The following GFM1 variants were observed in gnomAD, a reference collection of about 807,000 sequenced individuals.
GFM1 encodes the protein G elongation factor mitochondrial 1, also known as elongation factor G, mitochondrial.
In GFM1, 62 loss-of-function variants were observed where a neutral mutation model predicts 96.2. The ratio of observed to expected loss-of-function variants is 0.64; its 90% confidence interval spans 0.53 to 0.80. The LOEUF is 0.80. GFM1 is among the 30% of genes least tolerant of loss of function. The pLI, the probability that GFM1 is intolerant of heterozygous loss-of-function variation, is 0.00. For missense variants in GFM1, 852 were observed against 916.6 expected (o/e 0.93, Z 0.91); for synonymous variants, 282 against 312.9 (o/e 0.90, Z 1.04).
At chr3:158,667,169 AAT>A (rs1021469755) in intron 13 of GFM1, 29 of 1,263,870 alleles carry the variant, frequency 2.3e-5, no homozygotes, top group Non-Finnish European at 3.0e-5. Context: ...AGATGAATAT[AAT>A]ATTTCCATTT....
intron 13 of GFM1, chr3:158,672,698 C>A: frequency 2.1e-6 from 1 of 469,366 alleles, no homozygotes; most frequent in Non-Finnish European, 3.9e-6. Flanking sequence ...GCTTCTGAGG[C>A]CCCGCCCCAC....
intron 13 of GFM1, 154 bp from the exon 14 acceptor site, chr3:158,681,841 T>G (rs1725406623): frequency 4.0e-6 from 3 of 745,948 alleles, no homozygotes; most frequent in Admixed American, 2.6e-5. Context: ...GAGGGTTCTT[T>G]TTAAAATAAA....
chr3:158,688,310 A>G (rs1378847396), intron 15 of GFM1, among the ~76,000 whole-genome samples: 1 of 152,128 alleles, frequency 6.6e-6, no homozygotes, highest in Admixed American at 6.6e-5. Flanking sequence ...ATCTTATCTT[A>G]TGGTATAGGA....
chr3:158,672,732 A>C, intron 13 of GFM1: 1 of 382,616 alleles, frequency 2.6e-6, no homozygotes, highest in Non-Finnish European at 5.0e-6. Context: ...GGGCTTCCTT[A>C]CTCCGCCTGC....
rs183140307 is a variant in GFM1 at position 158,659,018 on chromosome 3, C to T, written c.1180C>T (p.Arg394Trp). 1.7e-5 allele frequency: 28 copies of T among 1,614,126 alleles called. 1 individual carries two copies. In the Admixed American group the frequency reaches 3.2e-4, roughly 18 times the overall value. Residue 394 changes from arginine to tryptophan, a missense_variant, in exon 9 of 18, where the codon CGG becomes TGG. By Grantham distance (101) the Arg-to-Trp change is moderately radical. Transcript: ENST00000486715. ...IYNTRTRKKV[R>W]LQRLARMHAD... ...TAACACAAGGACAAGAAAGAAAGTA[C>T]GGTTGCAACGGCTGGCTCGCATGCA...
chr3:158,655,170 C>A (rs931974702), intron 8 of GFM1, among the ~76,000 whole-genome samples: 1 of 152,068 alleles, frequency 6.6e-6, no homozygotes, highest in Non-Finnish European at 1.5e-5. Context: ...AAATGCCCAG[C>A]CAGTCGCAGT....
intron 13 of GFM1, among the ~76,000 whole-genome samples, chr3:158,675,192 C>T (rs1218921082): frequency 1.4e-5 from 2 of 146,436 alleles, no homozygotes; most frequent in Admixed American, 7.2e-5. Context: ...GAGGCTGAGG[C>T]AGGGAACTGC....
At chr3:158,663,797 A>G (rs1723386842) in intron 11 of GFM1, among the ~76,000 whole-genome samples, 1 of 152,226 alleles carries the variant, frequency 6.6e-6, no homozygotes, top group Non-Finnish European at 1.5e-5. Flanking sequence ...CAATGCTTCA[A>G]TATCCAGAAG....
At position 158,693,660 on chromosome 3, in the gene GFM1, A is replaced by G. The variant is rs1438657792; in HGVS notation, c.*2193A>G. On this transcript the variant is annotated 3_prime_UTR_variant, in exon 18 of 18. Coordinates refer to ENST00000486715, the MANE Select transcript of GFM1 (RefSeq NM_024996.7). ...TTCATAGGTGAGGGTTGTTTATACT[A>G]CTATCAAGAAGGATAATTGTTGGCT... The G allele has an allele frequency of 6.6e-6, 1 of 152,256 alleles. No individual in the cohort carries two copies. Among genetic ancestry groups the G allele is most frequent in the Non-Finnish European group, 1.5e-5 (1 of 68,054 alleles). The allele number at this position is 152,256 out of a possible 1,614,324, so 9.4% of individuals were successfully genotyped here.
At chr3:158,648,040 G>C (rs1162686039) in intron 4 of GFM1, among the ~76,000 whole-genome samples, 1 of 151,936 alleles carries the variant, frequency 6.6e-6, no homozygotes, top group Non-Finnish European at 1.5e-5. Context: ...ATATTCATTT[G>C]TGTCTCTTCA....
chr3:158,665,624 T>C, intron 12 of GFM1, 150 bp downstream of exon 12: 2 of 673,968 alleles, frequency 3.0e-6, no homozygotes, highest in South Asian at 3.5e-5. Flanking sequence ...CTGCTTCCTC[T>C]ACTATGTGTT....
chr3:158,671,360 T>C, intron 13 of GFM1, among the ~76,000 whole-genome samples: 1 of 152,218 alleles, frequency 6.6e-6, no homozygotes, highest in Non-Finnish European at 1.5e-5. Flanking sequence ...AAGATGACAA[T>C]ATCACCTTTG....
chr3:158,660,178 T>C (rs757842505), intron 9 of GFM1: 2 of 152,016 alleles, frequency 1.3e-5, no homozygotes, highest in Admixed American at 6.6e-5. Flanking sequence ...AGGAAGAGTA[T>C]GTATGACAGA....
In GFM1 at chr3:158,690,332, T is replaced by C; in HGVS notation, c.2070+9T>C. ...TTACACTGTATGCAGATGTAAGTAG[T>C]CTTGGTCATTGGCAGTCCTGCTTTT... is the stretch of plus-strand genomic sequence containing the variant. On this transcript the variant is annotated intron_variant, in intron 16 of 17. Transcript: ENST00000486715. The C allele has an allele frequency of 1.9e-6, 3 of 1,612,726 alleles. No homozygotes were observed. The highest frequency in any genetic ancestry group is 2.5e-6 in the Non-Finnish European group (3 of 1,178,742).
intron 15 of GFM1, among the ~76,000 whole-genome samples, chr3:158,688,688 AT>A: frequency 6.6e-6 from 1 of 152,258 alleles, no homozygotes; most frequent in South Asian, 2.1e-4. Context: ...ATACTCTAAA[AT>A]TGTTAGTGTG....
At position 158,683,161 on chromosome 3, in the gene GFM1, A is replaced by C. The variant is rs151282553; in HGVS notation, c.1764+1004A>C. ...ATAATTTTGGTTTCAGTGGTGGAGCATTTTTTTGTCATTAATGTATTCTAT... is the reference window on the plus strand; with the variant it reads ...ATAATTTTGGTTTCAGTGGTGGAGCCTTTTTTTGTCATTAATGTATTCTAT... On this transcript the variant is annotated intron_variant, in intron 14 of 17. Transcript: ENST00000486715. Among the ~76,000 whole-genome samples, 332 of 152,116 alleles carry C rather than the reference A, an allele frequency of 2.2e-3. 2 individuals carry two copies. The highest frequency in any genetic ancestry group is 7.5e-3 in the African/African-American group (313 of 41,506).
At position 158,691,197 on chromosome 3, in the gene GFM1, G is replaced by A. The variant is rs1726284354; in HGVS notation, c.2124+5G>A. 6.2e-7 allele frequency: 1 copy of A among 1,611,236 alleles called. No homozygotes were observed. The highest frequency in any genetic ancestry group is 8.5e-7 in the Non-Finnish European group (1 of 1,177,546). The stretch of plus-strand genomic sequence containing the variant: ...GAACTTAGGTCATGCACAGAGGTAG[G>A]CAAATTTAAACTTACCCTTCAAAAG... On this transcript the variant is annotated splice_donor_5th_base_variant and intron_variant, in intron 17 of 17. Coordinates refer to ENST00000486715, the MANE Select transcript of GFM1 (RefSeq NM_024996.7).
chr3:158,649,352 A>C, intron 5 of GFM1, 195 bp downstream of exon 5: 1 of 456,370 alleles, frequency 2.2e-6, no homozygotes, highest in South Asian at 2.2e-5. Context: ...GTGAGAGACT[A>C]TGTTACTTTT....
chr3:158,672,439 C>A, intron 13 of GFM1: 1 of 1,614,068 alleles, frequency 6.2e-7, no homozygotes, highest in South Asian at 1.1e-5. Flanking sequence ...GCCACCAAGG[C>A]CGCCCTGGAG....
Sources: gnomAD v4.1 joint callset for allele counts (sites outside exome capture counted in the v4.1 genomes callset) on GRCh38, gnomAD v4.1.1 for gene constraint, MANE v1.5 for transcripts, NCBI Gene and HGNC (gene_info 2026-07-23, HGNC 2026-07-21) for gene names.